KCNG4: variants seen among roughly 807,000 people sequenced by gnomAD.
The protein encoded by KCNG4 is voltage-gated potassium channel regulatory subunit KCNG4.
In KCNG4, 30 loss-of-function variants were observed where a neutral mutation model predicts 28.2. The ratio of observed to expected loss-of-function variants is 1.06; its 90% CI spans 0.80 to 1.44. The LOEUF (loss-of-function observed/expected upper bound fraction) is 1.44, where lower values mean the gene tolerates loss of function less well. Among genes scored for constraint, KCNG4 ranks in the 40% most tolerant of loss-of-function variants. KCNG4 has a pLI of 0.00. For synonymous variants in KCNG4, 375 were observed against 315.5 expected (o/e 1.19, Z -2.00); for missense variants, 879 against 712.3 (o/e 1.23, Z -2.66).
rs1389704982 is a variant in KCNG4 at position 84,222,568 on chromosome 16, G to A, written c.1209C>T (p.Thr403=). 2.5e-6 allele frequency: 4 copies of A among 1,613,444 alleles called. No individual in the cohort carries two copies. The highest frequency in any genetic ancestry group is 3.4e-6 in the Non-Finnish European group (4 of 1,180,008). The change falls in exon 3 of 3, where the codon ACC becomes ACT. Residue 403 remains threonine, a synonymous_variant. Coordinates refer to ENST00000308251, the MANE Select transcript of KCNG4 (RefSeq NM_172347.3). ...CCCACCAATAGGAGGCGGGGATGCTGGTGAACTCCAGCACCCGCCCGGACT... is the reference window on the plus strand; with the variant it reads ...CCCACCAATAGGAGGCGGGGATGCTAGTGAACTCCAGCACCCGCCCGGACT... The part of the protein sequence containing the change: ...EKESGRVLEF[T]SIPASYWWAI...
At chr16:84,224,784 A>C (rs1043584667) in intron 2 of KCNG4, among the ~76,000 whole-genome samples, 6 of 152,170 alleles carry the variant, frequency 3.9e-5, no homozygotes, top group Non-Finnish European at 7.3e-5. Flanking sequence ...AAACTGAAGC[A>C]CAGAGAGGGT....
intron 2 of KCNG4, among the ~76,000 whole-genome samples, chr16:84,224,146 T>C (rs1904642668): frequency 6.6e-6 from 1 of 152,078 alleles, no homozygotes; most frequent in Non-Finnish European, 1.5e-5. Flanking sequence ...CACGGAATCA[T>C]ATTCTGCAGT....
At chr16:84,223,734 T>G (rs556472667) in intron 2 of KCNG4, among the ~76,000 whole-genome samples, 1 of 152,302 alleles carries the variant, frequency 6.6e-6, no homozygotes, top group South Asian at 2.1e-4. Flanking sequence ...TACTGTTGGC[T>G]ATTTTGTAAC....
chr16:84,234,807 G>T (rs1008999736), intron 2 of KCNG4, among the ~76,000 whole-genome samples: 2 of 152,192 alleles, frequency 1.3e-5, no homozygotes, highest in African/African-American at 2.4e-5. Context: ...TACAAAGCAC[G>T]TGTGTCCAGG....
intron 2 of KCNG4, among the ~76,000 whole-genome samples, chr16:84,233,300 C>G (rs1378696171): frequency 6.6e-6 from 1 of 152,152 alleles, no homozygotes; most frequent in African/African-American, 2.4e-5. Flanking sequence ...GACATCTGGC[C>G]TTCGCACCAT....
At chr16:84,224,411 C>CACACACACACACAT (rs1567624026) in intron 2 of KCNG4, among the ~76,000 whole-genome samples, 2 of 131,924 alleles carry the variant, frequency 1.5e-5, no homozygotes, top group African/African-American at 5.4e-5. Flanking sequence ...TTTACACACA[C>CACACACACACACAT]ACACACACAC....
chr16:84,238,641 G>A (rs1157783724), intron 1 of KCNG4, among the ~76,000 whole-genome samples: 1 of 152,188 alleles, frequency 6.6e-6, no homozygotes, highest in Admixed American at 6.5e-5. Flanking sequence ...GCGAGGCAGA[G>A]GCAGGCAGAT....
chr16:84,232,031 G>T (rs1390644624), intron 2 of KCNG4, among the ~76,000 whole-genome samples: 3 of 149,758 alleles, frequency 2.0e-5, no homozygotes, highest in African/African-American at 7.4e-5. Context: ...AAAGAGTCAG[G>T]ACTAGATCTC....
Position 84,222,861 on chromosome 16 carries a change from A to G in KCNG4, c.916T>C (p.Tyr306His), listed in dbSNP as rs758685752. 1.2e-5 allele frequency: 20 copies of G among 1,612,334 alleles called. No homozygotes were observed. The highest frequency in any genetic ancestry group is 1.6e-5 in the Non-Finnish European group (19 of 1,178,822). The change falls in exon 3 of 3, where the codon TAC becomes CAC. Residue 306 changes from tyrosine (Y) to histidine (H), a missense_variant. By Grantham distance (83) the Tyr-to-His change is moderately conservative. Transcript: ENST00000308251. ...NIIDILAISP[Y>H]YVSLAVSEEP... is the part of the protein sequence containing the mutation. ...TCAGACACCGCCAGCGACACGTAGTATGGGGAGATGGCCAGGATGTCGATG... is the reference window on the plus strand; with the variant it reads ...TCAGACACCGCCAGCGACACGTAGTGTGGGGAGATGGCCAGGATGTCGATG...
At chr16:84,234,548 C>G (rs1904899039) in intron 2 of KCNG4, among the ~76,000 whole-genome samples, 1 of 152,184 alleles carries the variant, frequency 6.6e-6, no homozygotes, top group Non-Finnish European at 1.5e-5. Context: ...ACGGACGTTG[C>G]TATGAGAAGG....
At position 84,226,913 on chromosome 16, in the gene KCNG4, A is replaced by G. The variant is rs150202088; in HGVS notation, c.757-3893T>C. ...CATACACAAAAGCGGCAGAATATTG[A>G]CCATTGTGTGTAGCTAAGTCATGGA... On this transcript the variant is annotated intron_variant, in intron 2 of 2. Coordinates refer to ENST00000308251, the MANE Select transcript of KCNG4 (RefSeq NM_172347.3). This position sits in a 1 kb window ranked among gnomAD's most constrained non-coding sequence, Gnocchi z 4.1. 2.5e-3 allele frequency among the ~76,000 whole-genome samples: 381 copies of G among 152,012 alleles called. No individual in the cohort carries two copies. Among genetic ancestry groups the G allele is most frequent in the Middle Eastern group, 0.01 (3 of 294 alleles).
chr16:84,225,498 C>T (rs1381390691), intron 2 of KCNG4, among the ~76,000 whole-genome samples: 2 of 152,240 alleles, frequency 1.3e-5, no homozygotes, highest in African/African-American at 4.8e-5. Context: ...CGGGAATCTA[C>T]ATTTTGGTAA....
intron 2 of KCNG4, among the ~76,000 whole-genome samples, chr16:84,228,499 G>T (rs1012136716): frequency 1.3e-5 from 2 of 151,978 alleles, no homozygotes; most frequent in East Asian, 3.9e-4. Flanking sequence ...TTTTCTCTCG[G>T]CCAGCCGTGC....
chr16:84,236,464 A>T, intron 2 of KCNG4: 1 of 508,046 alleles, frequency 2.0e-6, no homozygotes, highest in East Asian at 3.2e-5. Flanking sequence ...TGGCCCACTG[A>T]GTCCACGCAT....
In KCNG4 at chr16:84,222,972, A is replaced by G. The variant is rs149163346; in HGVS notation, c.805T>C (p.Cys269Arg). Residue 269 changes from cysteine to arginine, a missense_variant, in exon 3 of 3, where the codon TGC becomes CGC. Cys to Arg is a radical substitution (Grantham distance 180, BLOSUM62 -3). Coordinates refer to ENST00000308251, the MANE Select transcript of KCNG4 (RefSeq NM_172347.3). Reference protein sequence around the residue: ...CYYIFIVETICVAWFSLEFCL... With the variant: ...CYYIFIVETIRVAWFSLEFCL... ...AACTCCAGGGAGAACCAGGCCACGC[A>G]GATGGTCTCCACGATGAAAATATAG... 1,940 of 1,556,090 alleles carry G rather than the reference A, an allele frequency of 1.2e-3. 1 individual carries two copies. The highest frequency in any genetic ancestry group is 1.6e-3 in the Non-Finnish European group (1,786 of 1,150,554).
chr16:84,236,883 G>A lies in KCNG4; in HGVS notation c.603C>T (p.Gly201=), dbSNP rs374533007. The A allele has an allele frequency of 6.2e-7, 1 of 1,613,368 alleles. No homozygotes were observed. Among genetic ancestry groups the A allele is most frequent in the African/African-American group, 1.3e-5 (1 of 74,936 alleles). ...TCTCGCGCAGCCGGTTCATGCACAGGCCCCAGCGCGAGGAGTGCGAGGCGG... is the reference window on the plus strand; with the variant it reads ...TCTCGCGCAGCCGGTTCATGCACAGACCCCAGCGCGAGGAGTGCGAGGCGG... ...RRPASHSSRW[G]LCMNRLREMV... The change falls in exon 2 of 3, where the codon GGC becomes GGT. Residue 201 remains glycine (G), a synonymous_variant. Coordinates refer to ENST00000308251, the MANE Select transcript of KCNG4 (RefSeq NM_172347.3).
At position 84,222,702 on chromosome 16, in the gene KCNG4, T is replaced by C. The variant is rs748163404; in HGVS notation, c.1075A>G (p.Thr359Ala). 6.2e-7 allele frequency: 1 copy of C among 1,613,356 alleles called. No homozygotes were observed. Among genetic ancestry groups the C allele is most frequent in the Non-Finnish European group, 8.5e-7 (1 of 1,179,828 alleles). The change falls in exon 3 of 3, where the codon ACG becomes GCG. Residue 359 changes from threonine (T) to alanine (A), a missense_variant. Coordinates refer to ENST00000308251, the MANE Select transcript of KCNG4 (RefSeq NM_172347.3). ...CAACGGCGCACGGTGAGCCCCAGCGTCTGCAGCCCCAGCGAGTGGCGAGCC... is the reference window on the plus strand; with the variant it reads ...CAACGGCGCACGGTGAGCCCCAGCGCCTGCAGCCCCAGCGAGTGGCGAGCC... ...RLARHSLGLQ[T>A]LGLTVRRCTR...
rs897495405 is a variant in KCNG4 at position 84,226,494 on chromosome 16, A to G, written c.757-3474T>C. Among the ~76,000 whole-genome samples, 4 of 152,184 alleles carry G rather than the reference A, an allele frequency of 2.6e-5. No individual in the cohort carries two copies. The highest frequency in any genetic ancestry group is 7.2e-5 in the African/African-American group (3 of 41,426). On this transcript the variant is annotated intron_variant, in intron 2 of 2. Coordinates refer to ENST00000308251, the MANE Select transcript of KCNG4 (RefSeq NM_172347.3). The surrounding 1 kb of genome is among the most constrained non-coding windows in gnomAD (Gnocchi z 4.1). ...GATTTGTGCATTTCAGTGTATGTACATTTCACCTGTAAAACTGTAGAAGAA... is the reference window on the plus strand; with the variant it reads ...GATTTGTGCATTTCAGTGTATGTACGTTTCACCTGTAAAACTGTAGAAGAA...
At chr16:84,228,834 A>G (rs1452351722) in intron 2 of KCNG4, among the ~76,000 whole-genome samples, 3 of 152,250 alleles carry the variant, frequency 2.0e-5, no homozygotes, top group Admixed American at 2.0e-4. Context: ...GCTGCAGTGT[A>G]GAAGCTTCCC....
Sources: allele counts gnomAD v4.1 joint callset (sites outside exome capture counted in the v4.1 genomes callset), GRCh38; gene constraint gnomAD v4.1.1; non-coding constraint Gnocchi (gnomAD v3.1); transcripts MANE v1.5; gene names NCBI Gene and HGNC (gene_info 2026-07-23, HGNC 2026-07-21).